Variants in CACNA2D3 observed in about 807,000 individuals in gnomAD.
CACNA2D3 encodes voltage-dependent calcium channel subunit alpha-2/delta-3.
In CACNA2D3, 60 loss-of-function variants were observed where a neutral mutation model predicts 160.6. The observed-to-expected ratio is 0.37, with a 90% CI of 0.30 to 0.46. The LOEUF (loss-of-function observed/expected upper bound fraction) is 0.46, where lower values mean the gene tolerates loss of function less well. Ranked by LOEUF, CACNA2D3 falls within the 20% of genes least tolerant of loss-of-function variation. The probability of loss-of-function intolerance (pLI) is 1.00; values close to 1 mark genes in which losing one functional copy is unlikely to be tolerated. For synonymous variants in CACNA2D3, 558 were observed against 492.9 expected (o/e 1.13, Z -1.75); for missense variants, 1,205 against 1,365.0 (o/e 0.88, Z 1.85).
At chr3:54,312,634 A>AAT (rs1253840294) in intron 2 of CACNA2D3, among the ~76,000 whole-genome samples, 20 of 152,218 alleles carry the variant, frequency 1.3e-4, no homozygotes, top group Non-Finnish European at 8.8e-5. Context: ...GATCTGGCAA[A>AAT]ATAGATGCTG....
chr3:55,012,717 A>G (rs1703236293), intron 34 of CACNA2D3, among the ~76,000 whole-genome samples: 1 of 152,118 alleles, frequency 6.6e-6, no homozygotes, highest in Non-Finnish European at 1.5e-5. Context: ...ATGCAGCTAA[A>G]TATCCTGCAA....
At chr3:54,479,336 G>C (rs1350518046) in intron 4 of CACNA2D3, among the ~76,000 whole-genome samples, 1 of 152,048 alleles carries the variant, frequency 6.6e-6, no homozygotes, top group African/African-American at 2.4e-5. Flanking sequence ...TATTAGCAGC[G>C]TGAGAATGAA....
intron 5 of CACNA2D3, among the ~76,000 whole-genome samples, chr3:54,561,881 C>G (rs892011699): frequency 1.3e-5 from 2 of 152,120 alleles, no homozygotes; most frequent in African/African-American, 4.8e-5. Context: ...CTGGGGAGGC[C>G]TCACAGTCAT....
rs1455040211 is a variant in CACNA2D3 at position 54,345,847 on chromosome 3, A to ATTT, written c.321+25289_321+25290insTTT. On this transcript the variant is annotated intron_variant, in intron 3 of 37. Coordinates refer to ENST00000474759, the MANE Select transcript of CACNA2D3 (RefSeq NM_018398.3). ...CTCTTGATGCTCTTTTTTTTTTTTA[A>ATTT]AAAAATTGCATGTGTAGAATCTGAA... Among the ~76,000 whole-genome samples, 154 of 145,592 alleles carry ATTT rather than the reference A, an allele frequency of 1.1e-3. 1 individual carries two copies. In the Middle Eastern group the frequency reaches 0.014, roughly 13 times the overall value.
At chr3:54,736,160 C>G (rs987281861) in intron 11 of CACNA2D3, among the ~76,000 whole-genome samples, 3 of 130,130 alleles carry the variant, frequency 2.3e-5, no homozygotes, top group African/African-American at 9.1e-5. Flanking sequence ...CACACACACA[C>G]ACACAGACAC....
At chr3:54,655,106 C>A (rs1375121396) in intron 11 of CACNA2D3, among the ~76,000 whole-genome samples, 1 of 152,180 alleles carries the variant, frequency 6.6e-6, no homozygotes, top group African/African-American at 2.4e-5. Context: ...CCAGTAATGA[C>A]TGGAAGCTTG....
At chr3:54,179,666 T>C (rs1700745249) in intron 2 of CACNA2D3, among the ~76,000 whole-genome samples, 1 of 152,230 alleles carries the variant, frequency 6.6e-6, no homozygotes, top group Non-Finnish European at 1.5e-5. Flanking sequence ...GTGGTGGTAG[T>C]TGGAGATGAG....
chr3:54,185,760 A>C (rs1700869663), intron 2 of CACNA2D3, among the ~76,000 whole-genome samples: 1 of 152,210 alleles, frequency 6.6e-6, no homozygotes, highest in South Asian at 2.1e-4. Flanking sequence ...ATTTACAAAA[A>C]CAAGCAGCAG....
intron 14 of CACNA2D3, among the ~76,000 whole-genome samples, chr3:54,835,224 A>G (rs1698653772): frequency 6.6e-6 from 1 of 152,094 alleles, no homozygotes; most frequent in Non-Finnish European, 1.5e-5. Context: ...GGCCCCCTCC[A>G]CCCCTGTTGG....
chr3:54,391,534 A>G (rs1426229166), intron 4 of CACNA2D3, among the ~76,000 whole-genome samples: 1 of 148,568 alleles, frequency 6.7e-6, no homozygotes, highest in Non-Finnish European at 1.5e-5. Flanking sequence ...TTTTTGAGAC[A>G]GAGTCTTGAT....
At chr3:54,362,054 A>G (rs766901122) in intron 3 of CACNA2D3, among the ~76,000 whole-genome samples, 10 of 152,184 alleles carry the variant, frequency 6.6e-5, no homozygotes, top group Non-Finnish European at 1.0e-4. Context: ...CATCTTTTCA[A>G]CAACACCACA....
chr3:55,069,756 A>G (rs527728571), intron 35 of CACNA2D3, among the ~76,000 whole-genome samples: 2 of 152,310 alleles, frequency 1.3e-5, no homozygotes, highest in South Asian at 4.1e-4. Context: ...TGGTCTGCTC[A>G]TGATTTTTAT....
chr3:54,239,353 G>C (rs184300725), intron 2 of CACNA2D3, among the ~76,000 whole-genome samples: 227 of 152,312 alleles, frequency 1.5e-3, no homozygotes, highest in Middle Eastern at 3.4e-3. Flanking sequence ...CCAAAGGAAG[G>C]GGTGTAGAGC....
At chr3:54,890,010 GT>G (rs1335057723) in intron 24 of CACNA2D3, among the ~76,000 whole-genome samples, 4 of 152,146 alleles carry the variant, frequency 2.6e-5, no homozygotes, top group African/African-American at 9.7e-5. Flanking sequence ...CATTGTTTTG[GT>G]TTTTATTCAG....
rs190899310 is a variant in CACNA2D3, at chr3:54,350,806, T to G, written c.321+30248T>G. Among the ~76,000 whole-genome samples, 22 of 152,248 alleles carry G rather than the reference T, an allele frequency of 1.4e-4. No homozygotes were observed. In the East Asian group the frequency reaches 3.9e-3, roughly 27 times the overall value. On this transcript the variant is annotated intron_variant, in intron 3 of 37. Transcript: ENST00000474759. Reference sequence around the variant, plus strand: ...TTCAATGTGTTCTCTACCTGTCTGCTTACCTGGATGGTATTATAACTTATC... The same window carrying G: ...TTCAATGTGTTCTCTACCTGTCTGCGTACCTGGATGGTATTATAACTTATC...
intron 4 of CACNA2D3, among the ~76,000 whole-genome samples, chr3:54,443,592 A>C (rs952435764): frequency 6.6e-6 from 1 of 152,110 alleles, no homozygotes; most frequent in African/African-American, 2.4e-5. Context: ...ATGTCCACCA[A>C]GTGTTTTCCT....
intron 32 of CACNA2D3, among the ~76,000 whole-genome samples, chr3:55,006,041 G>A (rs1043985375): frequency 6.6e-6 from 1 of 152,164 alleles, no homozygotes. Context: ...TTTGTAAGAG[G>A]CAACTAAAAT....
intron 31 of CACNA2D3, among the ~76,000 whole-genome samples, chr3:54,989,804 C>G (rs759415656): frequency 2.6e-5 from 4 of 152,148 alleles, no homozygotes; most frequent in Non-Finnish European, 5.9e-5. Flanking sequence ...CCACTTAGCA[C>G]CAGGTATTGC....
intron 5 of CACNA2D3, among the ~76,000 whole-genome samples, chr3:54,539,944 C>G (rs1276504472): frequency 1.3e-5 from 2 of 152,110 alleles, no homozygotes; most frequent in Non-Finnish European, 2.9e-5. Flanking sequence ...TCCATTTTCC[C>G]TAAAAGAAGA....
Sources: allele counts gnomAD v4.1 joint callset (sites outside exome capture counted in the v4.1 genomes callset), GRCh38; gene constraint gnomAD v4.1.1; transcripts MANE v1.5; gene names NCBI Gene and HGNC (gene_info 2026-07-23, HGNC 2026-07-21).